The following OR1J2 variants were observed in gnomAD, a reference collection of about 807,000 sequenced individuals.
The protein encoded by OR1J2 is olfactory receptor 1J2.
For synonymous variants in OR1J2, 142 were observed against 99.7 expected (o/e 1.42, Z -2.52); for missense variants, 304 against 246.1 (o/e 1.24, Z -1.57).
At chr9:122,492,780 T>G in the OR1J2 span, among the ~76,000 whole-genome samples, 1 of 152,200 alleles carries the variant, frequency 6.6e-6, no homozygotes, top group African/African-American at 2.4e-5. Flanking sequence ...CATCCTTGTT[T>G]TGTTCCAGTT....
At chr9:122,527,238 G>A in the OR1J2 span, 16 of 1,613,732 alleles carry the variant, frequency 9.9e-6, no homozygotes, top group East Asian at 3.3e-4. Flanking sequence ...CTGTTGCTCT[G>A]GAGGCGCTGA....
chr9:122,522,855 G>A, the OR1J2 span, among the ~76,000 whole-genome samples: 1 of 152,104 alleles, frequency 6.6e-6, no homozygotes, highest in Non-Finnish European at 1.5e-5. Flanking sequence ...ATATGCAAGA[G>A]TACAAAAAGT....
chr9:122,502,119 A>G, the OR1J2 span, among the ~76,000 whole-genome samples: 1 of 152,210 alleles, frequency 6.6e-6, no homozygotes, highest in Non-Finnish European at 1.5e-5. Flanking sequence ...GTGGCCAGAG[A>G]AAACCCTTAA....
chr9:122,483,180 G>T, the OR1J2 span, among the ~76,000 whole-genome samples: 1 of 152,048 alleles, frequency 6.6e-6, no homozygotes, highest in South Asian at 2.1e-4. Context: ...TCATCTATTT[G>T]AACAGTTTAA....
chr9:122,483,237 CT>C, the OR1J2 span, among the ~76,000 whole-genome samples: 1 of 152,112 alleles, frequency 6.6e-6, no homozygotes, highest in African/African-American at 2.4e-5. Context: ...AGATTTACTT[CT>C]CTTGATGTAT....
chr9:122,477,593 T>A, the OR1J2 span: 6 of 1,614,054 alleles, frequency 3.7e-6, no homozygotes, highest in Non-Finnish European at 5.1e-6. Context: ...ATAAGGAAAC[T>A]GTCTAAGTCA....
the OR1J2 span, among the ~76,000 whole-genome samples, chr9:122,463,355 G>C: frequency 6.6e-6 from 1 of 151,938 alleles, no homozygotes; most frequent in African/African-American, 2.4e-5. Context: ...ATTTCTTTAA[G>C]TTGGACTGCA....
the OR1J2 span, among the ~76,000 whole-genome samples, chr9:122,457,070 A>G: frequency 3.9e-4 from 59 of 152,338 alleles, no homozygotes; most frequent in African/African-American, 1.4e-3. Flanking sequence ...TGTCCTTTGC[A>G]GGGACATGGG....
chr9:122,526,955 C>G, the OR1J2 span: 4 of 1,614,142 alleles, frequency 2.5e-6, no homozygotes, highest in South Asian at 1.1e-5. Context: ...CCATGGCAGC[C>G]AGGAAGAAGC....
chr9:122,521,609 G>C, the OR1J2 span, among the ~76,000 whole-genome samples: 10 of 152,142 alleles, frequency 6.6e-5, no homozygotes, highest in Non-Finnish European at 1.0e-4. Context: ...GCTTAGCCCC[G>C]ACCTTTTCCA....
the OR1J2 span, among the ~76,000 whole-genome samples, chr9:122,542,276 A>G: frequency 7.2e-5 from 11 of 152,318 alleles, no homozygotes; most frequent in South Asian, 1.9e-3. Flanking sequence ...TTTGGCTATT[A>G]TGAGTAAAGC....
chr9:122,557,726 T>A, the OR1J2 span, among the ~76,000 whole-genome samples: 2 of 152,088 alleles, frequency 1.3e-5, no homozygotes, highest in African/African-American at 4.8e-5. Context: ...CCTCATAGAA[T>A]GAGCTAAAAG....
At chr9:122,545,334 G>A in the OR1J2 span, among the ~76,000 whole-genome samples, 1 of 152,006 alleles carries the variant, frequency 6.6e-6, no homozygotes, top group Non-Finnish European at 1.5e-5. Context: ...TATCAATTAG[G>A]TAAAGAAAGT....
the OR1J2 span, chr9:122,519,394 T>C: frequency 8.7e-6 from 14 of 1,614,090 alleles, no homozygotes; most frequent in Admixed American, 1.5e-4. Flanking sequence ...TTATTAAGCA[T>C]GCAAACTCAG....
At chr9:122,523,787 G>C in the OR1J2 span, among the ~76,000 whole-genome samples, 7 of 152,250 alleles carry the variant, frequency 4.6e-5, no homozygotes, top group South Asian at 8.3e-4. Context: ...AAGACCATTT[G>C]CTTCTTAAAA....
the OR1J2 span, chr9:122,477,022 C>CT: frequency 6.2e-7 from 1 of 1,613,670 alleles, no homozygotes; most frequent in Non-Finnish European, 8.5e-7. Flanking sequence ...CAAGAGTTTT[C>CT]TTAGGGCTCC....
At chr9:122,498,527 C>T in the OR1J2 span, among the ~76,000 whole-genome samples, 1 of 152,092 alleles carries the variant, frequency 6.6e-6, no homozygotes, top group Admixed American at 6.5e-5. Flanking sequence ...TCTTTCATTT[C>T]CTGGATAGCT....
the OR1J2 span, among the ~76,000 whole-genome samples, chr9:122,563,165 A>G: frequency 7.0e-6 from 1 of 142,516 alleles, no homozygotes; most frequent in Non-Finnish European, 1.5e-5. Context: ...CTTTCTCCAC[A>G]TCCTCACTAG....
chr9:122,530,111 C>CTA, the OR1J2 span, among the ~76,000 whole-genome samples: 3 of 152,104 alleles, frequency 2.0e-5, no homozygotes, highest in African/African-American at 7.2e-5. Context: ...GATGGAGAGA[C>CTA]TAAGATTGTA....
Sources: gnomAD v4.1 joint callset for allele counts (sites outside exome capture counted in the v4.1 genomes callset) on GRCh38, gnomAD v4.1.1 for gene constraint, MANE v1.5 for transcripts, NCBI Gene and HGNC (gene_info 2026-07-23, HGNC 2026-07-21) for gene names.